Variants in RAB5C observed in about 807,000 individuals in gnomAD.
RAB5C encodes the protein RAB5C, member RAS oncogene family.
A neutral mutation model predicts 25.2 loss-of-function variants in RAB5C; 4 were observed. That is an observed-to-expected ratio of 0.16 (90% CI 0.08 to 0.36). RAB5C has a LOEUF of 0.36. Among genes scored for constraint, RAB5C ranks in the 10% least tolerant of loss-of-function variants. The pLI, the probability that RAB5C is intolerant of heterozygous loss-of-function variation, is 1.00. For missense variants in RAB5C, 199 were observed against 283.8 expected, an observed-to-expected ratio of 0.70 and a Z score of 2.15; for synonymous variants, 100 against 106.4, an observed-to-expected ratio of 0.94 and a Z score of 0.37.
chr17:42,148,109 A>G (rs548059100), intron 1 of RAB5C, among the ~76,000 whole-genome samples: 1 of 149,448 alleles, frequency 6.7e-6, no homozygotes, highest in East Asian at 1.9e-4. Flanking sequence ...AAAAACAAAC[A>G]AAAAAAAAGA....
chr17:42,133,652 T>G (rs1022532573), intron 1 of RAB5C, among the ~76,000 whole-genome samples: 1 of 152,216 alleles, frequency 6.6e-6, no homozygotes, highest in Non-Finnish European at 1.5e-5. Flanking sequence ...GCACAGGCAC[T>G]GGCTTTCGGC....
At chr17:42,143,690 T>A (rs1367374819) in intron 1 of RAB5C, among the ~76,000 whole-genome samples, 1 of 151,786 alleles carries the variant, frequency 6.6e-6, no homozygotes. Flanking sequence ...AAAACAAAAA[T>A]CCTCACAATG....
chr17:42,128,229 C>T, intron 4 of RAB5C, 32 bp downstream of exon 4: 1 of 1,605,448 alleles, frequency 6.2e-7, no homozygotes, highest in Non-Finnish European at 8.5e-7. Context: ...CTGCTTACTC[C>T]ACTCCTTCCC....
chr17:42,125,083 C>T lies in RAB5C; in HGVS notation c.*700G>A, dbSNP rs1331219120. 1 of 152,682 alleles carries T rather than the reference C, an allele frequency of 6.5e-6. No individual in the cohort carries two copies. The highest frequency in any genetic ancestry group is 2.4e-5 in the African/African-American group (1 of 41,422). The allele number at this position is 152,682 out of a possible 1,614,324, so 9.5% of individuals were successfully genotyped here. On this transcript the variant is annotated 3_prime_UTR_variant, in exon 6 of 6. Coordinates refer to ENST00000346213, the MANE Select transcript of RAB5C (RefSeq NM_004583.4). ...AGAAAAAGTTGGTTCCGTCCCCTCC[C>T]ACTCCCCCCCTTACCCACCCACCCC...
chr17:42,140,769 G>A (rs561283172), intron 1 of RAB5C, among the ~76,000 whole-genome samples: 13 of 151,430 alleles, frequency 8.6e-5, no homozygotes, highest in South Asian at 4.2e-4. Flanking sequence ...CAGGTGATCC[G>A]CCTGCCTCAG....
At chr17:42,136,431 C>G (rs1045670965) in intron 1 of RAB5C, 1 of 152,260 alleles carries the variant, frequency 6.6e-6, no homozygotes, top group Non-Finnish European at 1.5e-5. Flanking sequence ...GAGGTACCCA[C>G]AACCTTCCCC....
At chr17:42,135,113 C>A (rs2054523399) in intron 1 of RAB5C, among the ~76,000 whole-genome samples, 1 of 151,674 alleles carries the variant, frequency 6.6e-6, no homozygotes, top group Non-Finnish European at 1.5e-5. Context: ...CTAGGAGTAG[C>A]TGGAACTATA....
Position 42,153,809 on chromosome 17 carries a change from G to A in RAB5C, c.-89+1084C>T, listed in dbSNP as rs555847274. Among the ~76,000 whole-genome samples the A allele has an allele frequency of 5.9e-5, 9 of 152,334 alleles. No homozygotes were observed. In the East Asian group the frequency reaches 9.6e-4, roughly 16 times the overall value. The stretch of plus-strand genomic sequence containing the variant: ...TCAGTCAATATGGTTGAGGGAACCT[G>A]CACTTTCTGGCATGTATCGGAATTC... On this transcript the variant is annotated intron_variant, in intron 1 of 5. Coordinates refer to ENST00000346213, the MANE Select transcript of RAB5C (RefSeq NM_004583.4).
At position 42,126,631 on chromosome 17, in the gene RAB5C, CAAAAAAAAAAAAAAAA is replaced by C. The variant is rs71357528; in HGVS notation, c.535+108_535+123del. ...TGGGTGATAGAGCGAGACTCCATCT[CAAAAAAAAAAAAAAAA>C]AAAAAAAAAAAGAGTGGTGAAGGGA... is the stretch of plus-strand genomic sequence containing the variant. On this transcript the variant is annotated intron_variant, in intron 5 of 5. Transcript: ENST00000346213. The C allele has an allele frequency of 3.9e-3, 330 of 84,558 alleles. 4 individuals are homozygous for C. The highest frequency in any genetic ancestry group is 0.026 in the South Asian group (290 of 10,952). 5.2% of individuals were successfully genotyped at this position (84,558 alleles called of 1,614,324 possible).
At chr17:42,147,460 C>A (rs923368675) in intron 1 of RAB5C, among the ~76,000 whole-genome samples, 1 of 152,228 alleles carries the variant, frequency 6.6e-6, no homozygotes, top group Non-Finnish European at 1.5e-5. Context: ...TGCAGAAGCA[C>A]GGTCGTTCTG....
At chr17:42,137,243 T>C (rs2054546002) in intron 1 of RAB5C, among the ~76,000 whole-genome samples, 1 of 151,080 alleles carries the variant, frequency 6.6e-6, no homozygotes, top group Non-Finnish European at 1.5e-5. Flanking sequence ...GAGACAGAGG[T>C]TGTGGTGAGC....
At chr17:42,151,029 G>T (rs553029419) in intron 1 of RAB5C, among the ~76,000 whole-genome samples, 1 of 152,294 alleles carries the variant, frequency 6.6e-6, no homozygotes, top group East Asian at 1.9e-4. Flanking sequence ...AACAAGCCCA[G>T]GGTCACACAA....
At chr17:42,126,912 C>A in intron 4 of RAB5C, 64 bp from the exon 5 acceptor site, 1 of 1,068,696 alleles carries the variant, frequency 9.4e-7, no homozygotes, top group Admixed American at 1.8e-5. Context: ...GGCCCAGGGC[C>A]CAGGATACAA....
chr17:42,153,935 G>A (rs1598261909), intron 1 of RAB5C, among the ~76,000 whole-genome samples: 1 of 152,362 alleles, frequency 6.6e-6, no homozygotes, highest in Non-Finnish European at 1.5e-5. Context: ...ACCCTGGCGT[G>A]GTGTGGACCT....
intron 3 of RAB5C, 119 bp downstream of exon 3, chr17:42,128,530 T>TGGGGGGGG: frequency 2.7e-6 from 2 of 730,782 alleles, no homozygotes; most frequent in Non-Finnish European, 4.1e-6. Context: ...ACAGGAAATC[T>TGGGGGGGG]GCCCACCCCC....
intron 2 of RAB5C, 94 bp downstream of exon 2, chr17:42,130,241 TCC>T: frequency 6.8e-7 from 1 of 1,476,450 alleles, no homozygotes; most frequent in Non-Finnish European, 9.1e-7. Context: ...ACGCATTTAG[TCC>T]CTAATGCAGG....
chr17:42,147,955 G>A (rs997289075), intron 1 of RAB5C, among the ~76,000 whole-genome samples: 3 of 152,262 alleles, frequency 2.0e-5, no homozygotes, highest in South Asian at 2.1e-4. Context: ...AAAATTAGCC[G>A]GCCGTGGTGG....
chr17:42,130,154 G>A lies in RAB5C; in HGVS notation c.166+183C>T, dbSNP rs556428161. 2.8e-4 allele frequency: 209 copies of A among 746,112 alleles called. 2 individuals carry two copies. Among genetic ancestry groups the A allele is most frequent in the African/African-American group, 2.5e-3 (140 of 56,390 alleles). The allele number at this position is 746,112 out of a possible 1,614,324, so 46.2% of individuals were successfully genotyped here. On this transcript the variant is annotated intron_variant, in intron 2 of 5. Transcript: ENST00000346213. Reference sequence around the variant, plus strand: ...CAGCAAATGCTTACTAGCGATGCTTGAGGGGACTCTGGCATGGAGACCAGT... The same window carrying A: ...CAGCAAATGCTTACTAGCGATGCTTAAGGGGACTCTGGCATGGAGACCAGT...
intron 1 of RAB5C, among the ~76,000 whole-genome samples, chr17:42,140,932 A>G (rs981581822): frequency 1.3e-5 from 2 of 151,914 alleles, no homozygotes; most frequent in African/African-American, 4.8e-5. Flanking sequence ...GGGCTCAAGC[A>G]ATCCTCCTAC....
Sources: gnomAD v4.1 joint callset for allele counts (sites outside exome capture counted in the v4.1 genomes callset) on GRCh38, gnomAD v4.1.1 for gene constraint, MANE v1.5 for transcripts, NCBI Gene and HGNC (gene_info 2026-07-23, HGNC 2026-07-21) for gene names.